IL16: variants seen among roughly 807,000 people sequenced by gnomAD.
IL16 encodes pro-interleukin-16.
A neutral mutation model predicts 110.1 loss-of-function variants in IL16; 67 were observed. The ratio of observed to expected loss-of-function variants is 0.61; its 90% CI spans 0.50 to 0.75. IL16 has a LOEUF of 0.75. Ranked by LOEUF, IL16 falls within the 30% of genes least tolerant of loss-of-function variation. IL16 has a pLI of 0.00. For synonymous variants in IL16, 689 were observed against 662.9 expected (o/e 1.04, Z -0.61); for missense variants, 1,545 against 1,655.0 (o/e 0.93, Z 1.15).
At chr15:81,269,707 C>T in intron 5 of IL16, 59 bp downstream of exon 5, 1 of 1,230,752 alleles carries the variant, frequency 8.1e-7, no homozygotes, top group South Asian at 1.2e-5. Flanking sequence ...CTCCAAGGAG[C>T]TGCTGTGTCC....
intron 2 of IL16, among the ~76,000 whole-genome samples, chr15:81,234,828 GT>G (rs1357492091): frequency 6.6e-6 from 1 of 152,150 alleles, no homozygotes; most frequent in Admixed American, 6.5e-5. Context: ...GGTAAAATAT[GT>G]TAAAAATACA....
intron 1 of IL16, among the ~76,000 whole-genome samples, chr15:81,218,321 T>A (rs1326607704): frequency 6.6e-6 from 1 of 151,398 alleles, no homozygotes; most frequent in Non-Finnish European, 1.5e-5. Flanking sequence ...TAAAGAAGAG[T>A]GTAAAATGTT....
intron 6 of IL16, among the ~76,000 whole-genome samples, chr15:81,274,763 G>T (rs933853553): frequency 3.3e-5 from 5 of 152,282 alleles, no homozygotes; most frequent in East Asian, 3.9e-4. Flanking sequence ...GCTCACAAAG[G>T]TTAAAACTTT....
At chr15:81,305,489 C>T (rs1045803491) in intron 16 of IL16, among the ~76,000 whole-genome samples, 2 of 152,164 alleles carry the variant, frequency 1.3e-5, no homozygotes, top group Non-Finnish European at 2.9e-5. Context: ...CACTGGGAGA[C>T]CCTGTCTCTA....
Position 81,300,588 on chromosome 15 carries a change from A to G in IL16, c.3149+113A>G, listed in dbSNP as rs965502010. The stretch of plus-strand genomic sequence containing the variant: ...TAAAAAATTCCCAGATATATTGATT[A>G]AAGAATTGTTCTGCCTCTTTCTTTC... On this transcript the variant is annotated intron_variant, in intron 14 of 18. Coordinates refer to ENST00000683961, the MANE Select transcript of IL16 (RefSeq NM_172217.5). 4 of 664,394 alleles carry G rather than the reference A, an allele frequency of 6.0e-6. No homozygotes were observed. In the East Asian group the frequency reaches 8.7e-5, roughly 14 times the overall value. 41.2% of individuals were successfully genotyped at this position (664,394 alleles called of 1,614,324 possible).
intron 2 of IL16, among the ~76,000 whole-genome samples, chr15:81,237,893 T>C (rs1342243320): frequency 6.6e-6 from 1 of 151,574 alleles, no homozygotes; most frequent in East Asian, 1.9e-4. Flanking sequence ...TATTTTTTAA[T>C]TTTATTTATT....
At chr15:81,251,961 G>A (rs1897783293) in intron 2 of IL16, among the ~76,000 whole-genome samples, 1 of 152,112 alleles carries the variant, frequency 6.6e-6, no homozygotes. Flanking sequence ...GAGTCAAGAT[G>A]AAGAGCAATG....
chr15:81,257,971 C>A (rs1898008004), intron 2 of IL16, among the ~76,000 whole-genome samples: 1 of 152,124 alleles, frequency 6.6e-6, no homozygotes, highest in Admixed American at 6.5e-5. Flanking sequence ...ATTCAGAGAG[C>A]TTTCCTGAAA....
chr15:81,264,982 A>C (rs1008235446), intron 3 of IL16, among the ~76,000 whole-genome samples: 2 of 152,222 alleles, frequency 1.3e-5, no homozygotes, highest in African/African-American at 4.8e-5. Flanking sequence ...TTTGGGAAGC[A>C]CTGTTGTAGA....
At chr15:81,301,221 GT>G (rs1900267842) in intron 14 of IL16, 122 bp from the exon 15 acceptor site, 1 of 718,136 alleles carries the variant, frequency 1.4e-6, no homozygotes, top group Non-Finnish European at 2.3e-6. Context: ...TCATAGATTT[GT>G]TGCATCAAAT....
intron 1 of IL16, among the ~76,000 whole-genome samples, chr15:81,219,505 T>C (rs1362781079): frequency 6.6e-6 from 1 of 152,140 alleles, no homozygotes; most frequent in Non-Finnish European, 1.5e-5. Context: ...ACTTATCCTG[T>C]GCCCCAGGGG....
At chr15:81,290,278 A>C (rs1343357750) in intron 10 of IL16, among the ~76,000 whole-genome samples, 175 bp from the exon 11 acceptor site, 1 of 152,224 alleles carries the variant, frequency 6.6e-6, no homozygotes, top group East Asian at 1.9e-4. Flanking sequence ...GAAGATACTG[A>C]GGAACCATTG....
At chr15:81,233,363 G>A (rs767106522) in intron 2 of IL16, among the ~76,000 whole-genome samples, 1 of 151,868 alleles carries the variant, frequency 6.6e-6, no homozygotes, top group South Asian at 2.1e-4. Context: ...TTACATTGAT[G>A]TGCGTGTGTG....
At chr15:81,263,736 G>T (rs1429602480) in intron 3 of IL16, among the ~76,000 whole-genome samples, 1 of 152,190 alleles carries the variant, frequency 6.6e-6, no homozygotes, top group Non-Finnish European at 1.5e-5. Flanking sequence ...TTGGCAGCCT[G>T]TTTGTTCATC....
At chr15:81,192,109 G>A (rs961573545), upstream of IL16, among the ~76,000 whole-genome samples, 4 of 152,158 alleles carry the variant, frequency 2.6e-5, no homozygotes, top group African/African-American at 9.7e-5. Context: ...GAACCATCAC[G>A]TAAGCCATGA....
intron 16 of IL16, among the ~76,000 whole-genome samples, chr15:81,304,163 G>C (rs1900434608): frequency 6.6e-6 from 1 of 152,240 alleles, no homozygotes; most frequent in African/African-American, 2.4e-5. Flanking sequence ...GCATGTTCCT[G>C]CGTGTCACTT....
chr15:81,306,514 C>T lies in IL16; in HGVS notation c.3774C>T (p.Asp1258=). The change falls in exon 18 of 19, where the codon GAC becomes GAT. Residue 1258 remains aspartate (D), a synonymous_variant. Transcript: ENST00000683961. ...LEGGKGSLHG[D]KPLTINRIFK... is the part of the protein sequence containing the mutation. ...GAGGGAAGGGCTCCCTACACGGAGA[C>T]AAGCCTCTCACCATTAACAGGATTT... 3 of 1,613,710 alleles carry T rather than the reference C, an allele frequency of 1.9e-6. No homozygotes were observed. The highest frequency in any genetic ancestry group is 2.2e-5 in the East Asian group (1 of 44,884).
chr15:81,185,344 CT>C (rs1566986036), intron 1 of IL16, among the ~76,000 whole-genome samples: 2 of 149,780 alleles, frequency 1.3e-5, no homozygotes, highest in East Asian at 3.9e-4. Context: ...ATTTTCATTG[CT>C]TTTTTTCTTT....
intron 1 of IL16, among the ~76,000 whole-genome samples, chr15:81,222,901 G>A (rs1001666650): frequency 6.6e-6 from 1 of 152,078 alleles, no homozygotes; most frequent in African/African-American, 2.4e-5. Context: ...TACTAGTTTT[G>A]GGAAGTGGAA....
Sources: gnomAD v4.1 joint callset for allele counts (sites outside exome capture counted in the v4.1 genomes callset) on GRCh38, gnomAD v4.1.1 for gene constraint, MANE v1.5 for transcripts, NCBI Gene and HGNC (gene_info 2026-07-23, HGNC 2026-07-21) for gene names.